The following PVT1 variants were observed in gnomAD, a reference collection of about 807,000 sequenced individuals.
PVT1 encodes CXCR4/PVT1 fusion.
intron 3 of PVT1, among the ~76,000 whole-genome samples, chr8:127,908,730 T>A (rs895048038): frequency 6.6e-6 from 1 of 152,092 alleles, no homozygotes. Flanking sequence ...GCACTGCTGG[T>A]TTCATGGTGG....
At chr8:127,873,840 C>T (rs74471353) in intron 2 of PVT1, among the ~76,000 whole-genome samples, 21,600 of 152,122 alleles carry the variant, frequency 0.14, 2,067 homozygotes, top group African/African-American at 0.28. Context: ...AATCTTTTGC[C>T]ATCTCTTCAT....
intron 3 of PVT1, chr8:127,940,593 T>TC (rs147214426): frequency 7.2e-6 from 1 of 138,436 alleles, no homozygotes; most frequent in Non-Finnish European, 1.6e-5. Context: ...AGTTTTTTTG[T>TC]GGGGGGGGGC....
At chr8:127,825,233 T>A (rs7832088) in intron 2 of PVT1, among the ~76,000 whole-genome samples, 102,830 of 151,934 alleles carry the variant, frequency 0.68, 36,151 homozygotes, top group African/African-American at 0.87. Context: ...TGCAGAAACC[T>A]ATAGGATAGA....
chr8:127,807,775 T>C (rs954833872), intron 2 of PVT1, among the ~76,000 whole-genome samples: 2 of 150,734 alleles, frequency 1.3e-5, no homozygotes, highest in Admixed American at 1.3e-4. Context: ...CTTTTTTTCT[T>C]TTTTTTTTTG....
chr8:128,071,805 C>T (rs1463196816), intron 5 of PVT1, among the ~76,000 whole-genome samples: 1 of 152,094 alleles, frequency 6.6e-6, no homozygotes, highest in Non-Finnish European at 1.5e-5. Context: ...TTTATTTCTA[C>T]GATCTCATAG....
At chr8:127,928,258 T>C (rs1295212684) in intron 3 of PVT1, among the ~76,000 whole-genome samples, 1 of 152,124 alleles carries the variant, frequency 6.6e-6, no homozygotes, top group Non-Finnish European at 1.5e-5. Context: ...TTAGCAAGAA[T>C]CTTGATAGGT....
chr8:128,074,362 T>TA (rs71300296), intron 5 of PVT1, among the ~76,000 whole-genome samples: 10 of 149,590 alleles, frequency 6.7e-5, no homozygotes, highest in African/African-American at 9.8e-5. Context: ...AAAATAAAAA[T>TA]AAAAAAAAAA....
At chr8:127,849,212 A>C (rs1172408270) in intron 2 of PVT1, among the ~76,000 whole-genome samples, 1 of 152,148 alleles carries the variant, frequency 6.6e-6, no homozygotes, top group South Asian at 2.1e-4. Flanking sequence ...TGGAGGTTTT[A>C]GGCTGGCAGA....
At chr8:127,945,112 A>G (rs1816404099) in intron 3 of PVT1, among the ~76,000 whole-genome samples, 1 of 152,186 alleles carries the variant, frequency 6.6e-6, no homozygotes, top group Non-Finnish European at 1.5e-5. Context: ...AGAATGAACA[A>G]TGAACAGTGG....
chr8:128,039,136 G>T (rs1252258329), intron 4 of PVT1, among the ~76,000 whole-genome samples: 2 of 152,130 alleles, frequency 1.3e-5, no homozygotes, highest in Non-Finnish European at 2.9e-5. Flanking sequence ...TCTTCTTTCT[G>T]CCTTGGTTCC....
intron 2 of PVT1, among the ~76,000 whole-genome samples, chr8:127,887,159 T>G (rs1461494172): frequency 6.6e-6 from 1 of 152,212 alleles, no homozygotes; most frequent in Non-Finnish European, 1.5e-5. Context: ...ACTCTCTTTT[T>G]ACCAGGATTT....
intron 2 of PVT1, among the ~76,000 whole-genome samples, chr8:127,798,235 C>T (rs190828900): frequency 6.0e-4 from 91 of 151,458 alleles, no homozygotes; most frequent in African/African-American, 2.1e-3. Context: ...ACCCGGGAGG[C>T]GGAGGTTGCC....
chr8:127,928,340 G>A (rs777831297), intron 3 of PVT1, among the ~76,000 whole-genome samples: 1 of 152,060 alleles, frequency 6.6e-6, no homozygotes, highest in Non-Finnish European at 1.5e-5. Flanking sequence ...CCCCCACCCT[G>A]CTTCTTGGCT....
chr8:127,846,040 T>C (rs1815030034), intron 2 of PVT1, among the ~76,000 whole-genome samples: 1 of 151,718 alleles, frequency 6.6e-6, no homozygotes, highest in Non-Finnish European at 1.5e-5. Flanking sequence ...TTATCAGAGA[T>C]ACCCATGAGA....
intron 3 of PVT1, among the ~76,000 whole-genome samples, chr8:127,951,818 CT>C (rs142500841): frequency 0.29 from 41,315 of 144,484 alleles, 6,131 homozygotes; most frequent in Middle Eastern, 0.34. Context: ...AACAGAATTC[CT>C]TTTTTTTTTT....
At chr8:127,878,736 A>G (rs1409025485) in intron 2 of PVT1, among the ~76,000 whole-genome samples, 2 of 152,250 alleles carry the variant, frequency 1.3e-5, no homozygotes, top group East Asian at 3.8e-4. Context: ...TAGGTGCCTG[A>G]GTCCTAATGG....
chr8:128,044,464 G>A lies in PVT1; in HGVS notation n.913-25696G>A, dbSNP rs141686237. On this transcript the variant is annotated intron_variant and non_coding_transcript_variant, in intron 4 of 10. Transcript: ENST00000651587. Reference sequence around the variant, plus strand: ...AGATGACCTCCACACCCAGCCTCAGGCACAGAGATGTAAAGTAACTTACTC... The same window carrying A: ...AGATGACCTCCACACCCAGCCTCAGACACAGAGATGTAAAGTAACTTACTC... Among the ~76,000 whole-genome samples the A allele has an allele frequency of 4.1e-3, 621 of 152,166 alleles. 4 individuals carry two copies. Among genetic ancestry groups the A allele is most frequent in the South Asian group, 5.8e-3 (28 of 4,818 alleles).
intron 4 of PVT1, among the ~76,000 whole-genome samples, chr8:128,001,335 A>T (rs1232891396): frequency 6.6e-6 from 1 of 152,144 alleles, no homozygotes; most frequent in African/African-American, 2.4e-5. Flanking sequence ...AGTGTCTGCA[A>T]GGGTGTGTGA....
At chr8:127,883,602 C>T (rs1010612638) in intron 2 of PVT1, among the ~76,000 whole-genome samples, 3 of 150,436 alleles carry the variant, frequency 2.0e-5, no homozygotes, top group Admixed American at 1.3e-4. Flanking sequence ...GCACATGTAC[C>T]CTAAAACTTA....
Sources: allele counts gnomAD v4.1 joint callset (sites outside exome capture counted in the v4.1 genomes callset), GRCh38; gene constraint gnomAD v4.1.1; transcripts MANE v1.5; gene names NCBI Gene and HGNC (gene_info 2026-07-23, HGNC 2026-07-21).